The following ZSWIM4 variants were observed in gnomAD, a reference collection of about 807,000 sequenced individuals.
ZSWIM4 encodes zinc finger SWIM-type containing 4, also known as zinc finger SWIM domain-containing protein 4.
In ZSWIM4, 62 loss-of-function variants were observed where a neutral mutation model predicts 102.5. The observed-to-expected ratio is 0.60, with a 90% CI of 0.49 to 0.75. The LOEUF is 0.75. Among genes scored for constraint, ZSWIM4 ranks in the 30% least tolerant of loss-of-function variants. ZSWIM4 has a pLI of 0.00. For missense variants in ZSWIM4, 1,280 were observed against 1,529.6 expected (o/e 0.84, Z 2.72); for synonymous variants, 652 against 674.5 (o/e 0.97, Z 0.52).
chr19:13,804,622 G>A (rs144721160), intron 2 of ZSWIM4, among the ~76,000 whole-genome samples, 170 bp from the exon 3 acceptor site: 4 of 152,102 alleles, frequency 2.6e-5, no homozygotes, highest in Non-Finnish European at 5.9e-5. Flanking sequence ...ACTCCAGCCT[G>A]GGCCACAGAG....
Position 13,804,830 on chromosome 19 carries a change from C to T in ZSWIM4, c.394C>T (p.Pro132Ser), listed in dbSNP as rs1247727250. Reference protein sequence around the residue: ...LSGNIREPGSPGEPERLYHVS... With the variant: ...LSGNIREPGSSGEPERLYHVS... Reference sequence around the variant, plus strand: ...CGGAAACATCCGCGAGCCAGGGAGTCCTGGAGAGCCCGAGCGCCTCTACCA... The same window carrying T: ...CGGAAACATCCGCGAGCCAGGGAGTTCTGGAGAGCCCGAGCGCCTCTACCA... The change falls in exon 3 of 14, where the codon CCT becomes TCT. Residue 132 changes from proline (P) to serine (S), a missense_variant. Coordinates refer to ENST00000590508, the MANE Select transcript of ZSWIM4 (RefSeq NM_001367834.3). The T allele has an allele frequency of 6.2e-7, 1 of 1,606,332 alleles. No individual in the cohort carries two copies. Among genetic ancestry groups the T allele is most frequent in the East Asian group, 2.2e-5 (1 of 44,694 alleles).
rs751110914 is a variant in ZSWIM4 at position 13,830,498 on chromosome 19, C to T, written c.2769C>T (p.Phe923=). The change falls in exon 14 of 14, where the codon TTC becomes TTT. Residue 923 remains phenylalanine, a synonymous_variant. Transcript: ENST00000590508. ...GCGGCCTGGGCCACGCCCACCTCTTCACTGTGGCCCGCTATATGGAGCACC... is the reference window on the plus strand; with the variant it reads ...GCGGCCTGGGCCACGCCCACCTCTTTACTGTGGCCCGCTATATGGAGCACC... ...AAGGLGHAHL[F]TVARYMEHRG... 1 of 1,600,728 alleles carries T rather than the reference C, an allele frequency of 6.2e-7. No individual in the cohort carries two copies. The highest frequency in any genetic ancestry group is 1.1e-5 in the South Asian group (1 of 91,016).
At chr19:13,822,163 T>TACACACACACAC (rs59602194) in intron 10 of ZSWIM4, among the ~76,000 whole-genome samples, 2 of 142,278 alleles carry the variant, frequency 1.4e-5, no homozygotes, top group African/African-American at 5.2e-5. Context: ...CACACACACA[T>TACACACACACAC]ACACACACAC....
chr19:13,814,927 T>C (rs1975228624), intron 7 of ZSWIM4, 62 bp downstream of exon 7: 3 of 1,041,636 alleles, frequency 2.9e-6, no homozygotes, highest in Non-Finnish European at 3.7e-6. Flanking sequence ...GAGTCCGAGG[T>C]GGGAGGATTG....
rs999219251 is a variant in ZSWIM4, at chr19:13,825,315, C to A, written c.2216-235C>A. ...GTGCTGGGATTACAGGTGTGAGCCACTGCGCCCGGCCCCTAGGTGGCTTTC... is the reference window on the plus strand; with the variant it reads ...GTGCTGGGATTACAGGTGTGAGCCAATGCGCCCGGCCCCTAGGTGGCTTTC... On this transcript the variant is annotated intron_variant, in intron 11 of 13. Coordinates refer to ENST00000590508, the MANE Select transcript of ZSWIM4 (RefSeq NM_001367834.3). This position sits in a 1 kb window ranked among gnomAD's most constrained non-coding sequence, Gnocchi z 4.6. Among the ~76,000 whole-genome samples the A allele has an allele frequency of 2.0e-5, 3 of 152,120 alleles. No homozygotes were observed. Among genetic ancestry groups the A allele is most frequent in the Non-Finnish European group, 4.4e-5 (3 of 68,024 alleles).
intron 10 of ZSWIM4, among the ~76,000 whole-genome samples, chr19:13,821,336 A>G (rs1234903522): frequency 6.6e-6 from 1 of 151,878 alleles, no homozygotes; most frequent in Non-Finnish European, 1.5e-5. Flanking sequence ...AAAAGGTGCA[A>G]CCTATTCCAC....
chr19:13,814,743 G>A lies in ZSWIM4; in HGVS notation c.1409G>A (p.Arg470His), dbSNP rs1170615223. The A allele has an allele frequency of 4.7e-6, 6 of 1,288,596 alleles. No homozygotes were observed. Among genetic ancestry groups the A allele is most frequent in the Middle Eastern group, 2.1e-4 (1 of 4,716 alleles). 79.8% of individuals were successfully genotyped at this position (1,288,596 alleles called of 1,614,324 possible). The change falls in exon 7 of 14, where the codon CGT becomes CAT. Residue 470 changes from arginine (R) to histidine (H), a missense_variant. Transcript: ENST00000590508. The part of the protein sequence containing the change: ...LGEPFPTACA[R>H]VDTLRAHGYP... ...GAACCTTTCCCCACTGCCTGTGCCCGTGTGGACACCCTGCGTGCCCACGGA... is the reference window on the plus strand; with the variant it reads ...GAACCTTTCCCCACTGCCTGTGCCCATGTGGACACCCTGCGTGCCCACGGA...
In ZSWIM4 at chr19:13,813,124, C is replaced by T. The variant is rs559934421; in HGVS notation, c.1140C>T (p.Phe380=). The change falls in exon 6 of 14, where the codon TTC becomes TTT. Residue 380 remains phenylalanine (F), a synonymous_variant. Coordinates refer to ENST00000590508, the MANE Select transcript of ZSWIM4 (RefSeq NM_001367834.3). ...VCPLEEGNYS[F]DGPSLQPTMA... is the part of the protein sequence containing the mutation. ...CACTGGAAGAGGGCAACTACTCCTT[C>T]GACGGCCCCAGCCTGCAGCCCACCA... 11 of 1,613,782 alleles carry T rather than the reference C, an allele frequency of 6.8e-6. No individual in the cohort carries two copies. Among genetic ancestry groups the T allele is most frequent in the Admixed American group, 1.7e-5 (1 of 59,986 alleles).
rs764372194 is a variant in ZSWIM4, at chr19:13,817,926, A to G, written c.1874A>G (p.Asp625Gly). The change falls in exon 9 of 14, where the codon GAT (aspartate) becomes GGT (glycine). Residue 625 changes from aspartate (D) to glycine (G), a missense_variant. Transcript: ENST00000590508. Reference sequence around the variant, plus strand: ...GCCCTGCTGGAGGAGGTGGAGTTGGATGAGCGGTTGGTGCAGGTGCTGCGC... The same window carrying G: ...GCCCTGCTGGAGGAGGTGGAGTTGGGTGAGCGGTTGGTGCAGGTGCTGCGC... ...LLALLEEVELDERLVQVLRKQ... is the reference protein window; with the variant it reads ...LLALLEEVELGERLVQVLRKQ... The G allele has an allele frequency of 3.9e-6, 6 of 1,544,798 alleles. 1 individual carries two copies. The Middle Eastern group carries it at 1.0e-3, about 262-fold the overall frequency.
intron 7 of ZSWIM4, 24 bp downstream of exon 7, chr19:13,814,889 G>T (rs1211140173): frequency 1.2e-5 from 14 of 1,202,150 alleles, no homozygotes; most frequent in African/African-American, 1.6e-5. Context: ...GGGCACGGGG[G>T]CTCGCACCTG....
intron 8 of ZSWIM4, 147 bp from the exon 9 acceptor site, chr19:13,817,575 C>T (rs1975328315): frequency 3.5e-6 from 4 of 1,127,202 alleles, no homozygotes; most frequent in Non-Finnish European, 4.9e-6. Flanking sequence ...GGGGCTCCCG[C>T]GCTCCCCCAA....
Position 13,812,937 on chromosome 19 carries a change from G to A in ZSWIM4, c.1013-60G>A, listed in dbSNP as rs907133322. 32 of 1,534,142 alleles carry A rather than the reference G, an allele frequency of 2.1e-5. No homozygotes were observed. In the African/African-American group the frequency reaches 2.2e-4, roughly 10 times the overall value. Reference sequence around the variant, plus strand: ...TCAGGTGGCACACAGTGGGCACTGCGGAAGTGTGTGTTGCTGCCACTGTTG... The same window carrying A: ...TCAGGTGGCACACAGTGGGCACTGCAGAAGTGTGTGTTGCTGCCACTGTTG... On this transcript the variant is annotated intron_variant, in intron 5 of 13. Transcript: ENST00000590508.
intron 12 of ZSWIM4, among the ~76,000 whole-genome samples, chr19:13,827,588 CAAAA>C (rs35504300): frequency 5.5e-5 from 4 of 72,518 alleles, no homozygotes; most frequent in African/African-American, 2.0e-4. Context: ...GTGAGACCCT[CAAAA>C]AAAAAAAAAA....
intron 2 of ZSWIM4, 144 bp downstream of exon 2, chr19:13,800,065 A>C: frequency 2.6e-6 from 1 of 383,226 alleles, no homozygotes; most frequent in South Asian, 2.6e-5. Context: ...ATTGTACAAG[A>C]TTTTTTTTTT....
rs761075727 is a variant in ZSWIM4 at position 13,830,475 on chromosome 19, G to A, written c.2746G>A (p.Gly916Ser). The A allele has an allele frequency of 1.9e-6, 3 of 1,602,562 alleles. No homozygotes were observed. Among genetic ancestry groups the A allele is most frequent in the South Asian group, 2.2e-5 (2 of 91,038 alleles). ...GATCGTGCTGGACGCGGCGGCCGGC[G>A]GCCTGGGCCACGCCCACCTCTTCAC... ...YQIVLDAAAG[G>S]LGHAHLFTVA... Residue 916 changes from glycine to serine, a missense_variant, in exon 14 of 14, where the codon GGC (glycine) becomes AGC (serine). Physicochemically the swap from Gly to Ser is moderately conservative, Grantham distance 56 (BLOSUM62 0). Coordinates refer to ENST00000590508, the MANE Select transcript of ZSWIM4 (RefSeq NM_001367834.3).
At chr19:13,816,851 G>A (rs533707675) in intron 7 of ZSWIM4, among the ~76,000 whole-genome samples, 2 of 152,246 alleles carry the variant, frequency 1.3e-5, no homozygotes, top group African/African-American at 2.4e-5. Context: ...GGCTGTTGGG[G>A]CTTTATCTTC....
intron 12 of ZSWIM4, among the ~76,000 whole-genome samples, chr19:13,827,613 GA>G (rs931579367): frequency 2.1e-4 from 29 of 140,934 alleles, no homozygotes; most frequent in South Asian, 6.8e-4. Context: ...AAAAAGAAAA[GA>G]AAAAAAAAGA....
Position 13,825,480 on chromosome 19 carries a change from G to A in ZSWIM4, c.2216-70G>A. On this transcript the variant is annotated intron_variant, in intron 11 of 13. Coordinates refer to ENST00000590508, the MANE Select transcript of ZSWIM4 (RefSeq NM_001367834.3). This position sits in a 1 kb window ranked among gnomAD's most constrained non-coding sequence, Gnocchi z 4.6. ...CTGGGTGGAAGGATCTGTGTGAACA[G>A]GTCGGGTGGTGGTCAGAGGCTGGTG... 6.4e-7 allele frequency: 1 copy of A among 1,555,530 alleles called. No individual in the cohort carries two copies. The highest frequency in any genetic ancestry group is 1.2e-5 in the South Asian group (1 of 84,270).
chr19:13,819,582 C>T, intron 10 of ZSWIM4, 90 bp downstream of exon 10: 1 of 1,470,358 alleles, frequency 6.8e-7, no homozygotes, highest in Non-Finnish European at 9.1e-7. Flanking sequence ...CCCATCCAGC[C>T]TGAACTCACA....
Sources: allele counts gnomAD v4.1 joint callset (sites outside exome capture counted in the v4.1 genomes callset), GRCh38; gene constraint gnomAD v4.1.1; non-coding constraint Gnocchi (gnomAD v3.1); transcripts MANE v1.5; gene names NCBI Gene and HGNC (gene_info 2026-07-23, HGNC 2026-07-21).